Variants in KCNH5 observed in about 807,000 individuals in gnomAD.
KCNH5 encodes the protein potassium voltage-gated channel subfamily H member 5, also known as voltage-gated delayed rectifier potassium channel KCNH5.
KCNH5 carries 46 observed loss-of-function variants against 96.1 expected under a neutral mutation model. The ratio of observed to expected loss-of-function variants is 0.48; its 90% CI spans 0.38 to 0.61. KCNH5 has a LOEUF of 0.61. Ranked by LOEUF, KCNH5 falls within the 20% of genes least tolerant of loss-of-function variation. The probability of loss-of-function intolerance (pLI) is 0.00; values close to 1 mark genes in which losing one functional copy is unlikely to be tolerated. For synonymous variants in KCNH5, 439 were observed against 449.8 expected (o/e 0.98, Z 0.30); for missense variants, 907 against 1,225.8 (o/e 0.74, Z 3.88).
intron 6 of KCNH5, among the ~76,000 whole-genome samples, chr14:62,978,479 T>C (rs972959431): frequency 6.6e-6 from 1 of 150,514 alleles, no homozygotes; most frequent in African/African-American, 2.4e-5. Flanking sequence ...CCCAGCTACT[T>C]GGGAAGCTGA....
intron 7 of KCNH5, among the ~76,000 whole-genome samples, chr14:62,860,771 T>G (rs150980521): frequency 5.9e-5 from 9 of 152,302 alleles, no homozygotes; most frequent in African/African-American, 2.2e-4. Context: ...GCCCATCTAA[T>G]ACAAAGGCTA....
intron 1 of KCNH5, among the ~76,000 whole-genome samples, chr14:63,034,265 C>G (rs1891682550): frequency 1.3e-5 from 2 of 152,100 alleles, no homozygotes; most frequent in Admixed American, 6.5e-5. Flanking sequence ...ACCTATAGAT[C>G]TATTTAAGTT....
intron 1 of KCNH5, among the ~76,000 whole-genome samples, chr14:63,022,932 A>G (rs79511425): frequency 0.048 from 7,236 of 152,152 alleles, 197 homozygotes; most frequent in East Asian, 0.062. Context: ...CTGGCCAGGC[A>G]CGGTGACTCA....
intron 10 of KCNH5, among the ~76,000 whole-genome samples, chr14:62,743,005 C>G (rs1409847306): frequency 6.6e-6 from 1 of 152,240 alleles, no homozygotes; most frequent in East Asian, 1.9e-4. Flanking sequence ...AAGATGATGA[C>G]CAGTTTTGGT....
intron 7 of KCNH5, among the ~76,000 whole-genome samples, chr14:62,945,563 T>A (rs377119103): frequency 3.3e-5 from 5 of 152,142 alleles, no homozygotes; most frequent in East Asian, 3.9e-4. Flanking sequence ...CTACCTCTCA[T>A]GGAGCTTACA....
intron 7 of KCNH5, among the ~76,000 whole-genome samples, chr14:62,944,403 GC>G (rs997859787): frequency 6.6e-6 from 1 of 152,016 alleles, no homozygotes; most frequent in Non-Finnish European, 1.5e-5. Flanking sequence ...TTCTTAGACA[GC>G]CACACAGATT....
rs191404208 is a variant in KCNH5 at position 62,735,369 on chromosome 14, T to C, written c.2020-26914A>G. Reference sequence around the variant, plus strand: ...AGTGGGGAACAGCAAGGCAAGGCTATTCAGGAACATGTGAGATACCCTAGA... The same window carrying C: ...AGTGGGGAACAGCAAGGCAAGGCTACTCAGGAACATGTGAGATACCCTAGA... On this transcript the variant is annotated intron_variant, in intron 10 of 10. Transcript: ENST00000322893. Among the ~76,000 whole-genome samples the C allele has an allele frequency of 4.8e-4, 73 of 152,246 alleles. 1 individual carries two copies. Among genetic ancestry groups the C allele is most frequent in the Non-Finnish European group, 2.2e-4 (15 of 68,004 alleles).
At chr14:63,029,296 C>T (rs374548231) in intron 1 of KCNH5, among the ~76,000 whole-genome samples, 23 of 152,186 alleles carry the variant, frequency 1.5e-4, no homozygotes, top group African/African-American at 5.3e-4. Flanking sequence ...CTCCGTACCA[C>T]CAAGTAAGTT....
intron 7 of KCNH5, among the ~76,000 whole-genome samples, chr14:62,878,241 A>G (rs1888422268): frequency 2.0e-5 from 3 of 151,666 alleles, no homozygotes; most frequent in South Asian, 2.1e-4. Context: ...AGATATACCT[A>G]ATGCTAAATG....
chr14:62,843,264 A>G (rs1455377653), intron 8 of KCNH5, among the ~76,000 whole-genome samples: 2 of 152,162 alleles, frequency 1.3e-5, no homozygotes, highest in African/African-American at 4.8e-5. Context: ...TGAACACAAT[A>G]TCCAAACACA....
intron 9 of KCNH5, among the ~76,000 whole-genome samples, chr14:62,799,714 TATATATATATATAC>T (rs1457242043): frequency 8.1e-5 from 9 of 111,626 alleles, no homozygotes; most frequent in African/African-American, 2.5e-4. Flanking sequence ...TATATATATA[TATATATATATATAC>T]ACACACACAC....
chr14:62,790,624 T>C (rs1008699293), intron 9 of KCNH5, among the ~76,000 whole-genome samples: 2 of 151,502 alleles, frequency 1.3e-5, no homozygotes, highest in African/African-American at 4.8e-5. Context: ...GGCTAACTTA[T>C]TGGTGGTATA....
rs958490216 is a variant in KCNH5, at chr14:62,701,192, A to C, written c.*6316T>G. 6.6e-6 allele frequency: 1 copy of C among 152,096 alleles called. No individual in the cohort carries two copies. Among genetic ancestry groups the C allele is most frequent in the Admixed American group, 6.6e-5 (1 of 15,256 alleles). The allele number at this position is 152,096 out of a possible 1,614,324, so 9.4% of individuals were successfully genotyped here. On this transcript the variant is annotated 3_prime_UTR_variant, in exon 11 of 11. Transcript: ENST00000322893. Reference sequence around the variant, plus strand: ...TGTAGGTCAGAACCAGAGGTTCTAAACTCATTGGTTGGTGGGAGAACACTT... The same window carrying C: ...TGTAGGTCAGAACCAGAGGTTCTAACCTCATTGGTTGGTGGGAGAACACTT...
At chr14:62,966,938 A>G (rs993772139) in intron 6 of KCNH5, among the ~76,000 whole-genome samples, 2 of 152,084 alleles carry the variant, frequency 1.3e-5, no homozygotes, top group African/African-American at 4.8e-5. Context: ...ACACTACTAG[A>G]GCTTTGCATG....
chr14:62,730,388 T>C (rs1027434251), intron 10 of KCNH5, among the ~76,000 whole-genome samples: 1 of 152,212 alleles, frequency 6.6e-6, no homozygotes, highest in African/African-American at 2.4e-5. Context: ...TAGAGATTTC[T>C]GTAGATATTA....
At chr14:62,723,963 T>C (rs1364629615) in intron 10 of KCNH5, among the ~76,000 whole-genome samples, 1 of 152,206 alleles carries the variant, frequency 6.6e-6, no homozygotes, top group East Asian at 1.9e-4. Context: ...ATTTTCTAAC[T>C]TTCCATAGAA....
At chr14:62,768,320 A>T (rs373951725) in intron 10 of KCNH5, among the ~76,000 whole-genome samples, 2 of 152,226 alleles carry the variant, frequency 1.3e-5, no homozygotes, top group South Asian at 2.1e-4. Context: ...GGCATTAAGG[A>T]AGAAAATAAT....
At chr14:62,897,004 T>C (rs558896627) in intron 7 of KCNH5, among the ~76,000 whole-genome samples, 17 of 152,304 alleles carry the variant, frequency 1.1e-4, no homozygotes, top group African/African-American at 3.8e-4. Flanking sequence ...AAAACAATTA[T>C]AGAAAGCTAA....
At chr14:63,030,310 G>A (rs1212709032) in intron 1 of KCNH5, among the ~76,000 whole-genome samples, 1 of 152,190 alleles carries the variant, frequency 6.6e-6, no homozygotes, top group Non-Finnish European at 1.5e-5. Flanking sequence ...AGGAGGCAAG[G>A]ATTTCAGAAG....
Sources: gnomAD v4.1 joint callset for allele counts (sites outside exome capture counted in the v4.1 genomes callset) on GRCh38, gnomAD v4.1.1 for gene constraint, MANE v1.5 for transcripts, NCBI Gene and HGNC (gene_info 2026-07-23, HGNC 2026-07-21) for gene names.